SBF2: variants seen among roughly 807,000 people sequenced by gnomAD.
SBF2 encodes the protein myotubularin-related protein 13.
Under a neutral mutation model 225.2 loss-of-function variants are expected in SBF2, and 112 were observed. The observed-to-expected ratio is 0.50, with a 90% CI of 0.43 to 0.58. The LOEUF (loss-of-function observed/expected upper bound fraction) is 0.58, where lower values mean the gene tolerates loss of function less well. Among genes scored for constraint, SBF2 ranks in the 20% least tolerant of loss-of-function variants. SBF2 has a pLI of 0.00. For missense variants in SBF2, 1,996 were observed against 2,206.2 expected, an observed-to-expected ratio of 0.90 and a Z score of 1.91; for synonymous variants, 763 against 773.3, an observed-to-expected ratio of 0.99 and a Z score of 0.22.
At chr11:10,225,083 T>C (rs1016623203) in intron 1 of SBF2, among the ~76,000 whole-genome samples, 13 of 152,278 alleles carry the variant, frequency 8.5e-5, no homozygotes, top group East Asian at 3.9e-4. Flanking sequence ...TAAAAGCTCA[T>C]AGTGTATTTT....
chr11:9,992,431 C>T lies in SBF2; in HGVS notation c.1280G>A (p.Cys427Tyr), dbSNP rs1176677461. 6.2e-7 allele frequency: 1 copy of T among 1,612,454 alleles called. No homozygotes were observed. The highest frequency in any genetic ancestry group is 8.5e-7 in the Non-Finnish European group (1 of 1,178,960). The part of the protein sequence containing the change: ...VSERGPPYRS[C>Y]DLFDELVAFE... ...GAGCTATACCTCATCAAAGAGATCA[C>T]AAGATCTATAAGGAGGACCTCTTTC... Residue 427 changes from cysteine to tyrosine, a missense_variant, in exon 12 of 40, where the codon TGT becomes TAT. Transcript: ENST00000256190.
At chr11:10,124,355 A>G (rs1318267886) in intron 2 of SBF2, among the ~76,000 whole-genome samples, 2 of 152,214 alleles carry the variant, frequency 1.3e-5, no homozygotes, top group African/African-American at 4.8e-5. Context: ...GAGTCTAGAC[A>G]CTGTGAAGTT....
At chr11:10,128,708 G>C (rs1290875197) in intron 2 of SBF2, among the ~76,000 whole-genome samples, 2 of 152,176 alleles carry the variant, frequency 1.3e-5, no homozygotes, top group East Asian at 3.8e-4. Flanking sequence ...CTGAAAATGA[G>C]AAACAGTATA....
At chr11:9,840,851 A>T (rs909341241) in intron 25 of SBF2, among the ~76,000 whole-genome samples, 6 of 152,020 alleles carry the variant, frequency 3.9e-5, no homozygotes, top group Admixed American at 3.9e-4. Flanking sequence ...CACAGGTTAC[A>T]GAATCCTTTA....
At chr11:10,228,561 G>A (rs2135426442) in intron 1 of SBF2, among the ~76,000 whole-genome samples, 1 of 152,270 alleles carries the variant, frequency 6.6e-6, no homozygotes, top group Admixed American at 6.5e-5. Flanking sequence ...GGCCTTTTCT[G>A]CATCTATTGA....
chr11:9,810,191 G>C (rs886249371), intron 30 of SBF2: 1 of 152,274 alleles, frequency 6.6e-6, no homozygotes, highest in Non-Finnish European at 1.5e-5. Context: ...TAGGAGGATC[G>C]CTTGAACCTG....
intron 2 of SBF2, among the ~76,000 whole-genome samples, chr11:10,086,504 T>A (rs1315746235): frequency 6.6e-6 from 1 of 152,202 alleles, no homozygotes; most frequent in African/African-American, 2.4e-5. Context: ...TCATTCTGAA[T>A]TCTGTAAGTT....
At chr11:9,893,820 T>C (rs562611574) in intron 17 of SBF2, among the ~76,000 whole-genome samples, 5 of 152,306 alleles carry the variant, frequency 3.3e-5, no homozygotes, top group African/African-American at 1.2e-4. Flanking sequence ...TCTTCCAAGT[T>C]TGCTTCTTTG....
chr11:10,164,894 T>G (rs1477031854), intron 2 of SBF2: 2 of 152,228 alleles, frequency 1.3e-5, no homozygotes, highest in African/African-American at 4.8e-5. Context: ...TTAGCAAGTT[T>G]CACACTAAAC....
intron 2 of SBF2, among the ~76,000 whole-genome samples, chr11:10,049,286 A>C (rs9645625): frequency 0.36 from 54,451 of 152,090 alleles, 11,493 homozygotes; most frequent in Non-Finnish European, 0.47. Context: ...TTGTTATTTA[A>C]AAGTGGGTAA....
chr11:10,264,528 C>CA (rs1482351655), intron 1 of SBF2, among the ~76,000 whole-genome samples: 7 of 151,364 alleles, frequency 4.6e-5, no homozygotes, highest in South Asian at 2.1e-4. Flanking sequence ...CCAGGTACTA[C>CA]AAAAAAAATG....
intron 32 of SBF2, among the ~76,000 whole-genome samples, chr11:9,796,340 CTACCCCACTCACTACATTA>C (rs1430439096): frequency 6.6e-6 from 1 of 152,144 alleles, no homozygotes; most frequent in Non-Finnish European, 1.5e-5. Context: ...TCCAAAGTCT[CTACCCCACTCACTACATTA>C]TACTGTGTTT....
chr11:10,300,514 A>T (rs73420933), intron 1 of SBF2, among the ~76,000 whole-genome samples: 18 of 151,134 alleles, frequency 1.2e-4, no homozygotes, highest in South Asian at 4.2e-4. Context: ...AAAAGAAAAA[A>T]ATATATATAA....
intron 1 of SBF2, among the ~76,000 whole-genome samples, chr11:10,243,230 G>A (rs527374970): frequency 3.3e-5 from 5 of 152,038 alleles, no homozygotes; most frequent in African/African-American, 1.2e-4. Flanking sequence ...AACAACTAAT[G>A]GGTCAAAGAA....
At chr11:9,920,618 T>A (rs1485478280) in intron 16 of SBF2, among the ~76,000 whole-genome samples, 1 of 152,186 alleles carries the variant, frequency 6.6e-6, no homozygotes, top group African/African-American at 2.4e-5. Flanking sequence ...GAGACATTAA[T>A]CTAAAATTTC....
chr11:9,991,090 T>G (rs1386927183), intron 12 of SBF2, among the ~76,000 whole-genome samples: 1 of 152,194 alleles, frequency 6.6e-6, no homozygotes, highest in Non-Finnish European at 1.5e-5. Context: ...GAAAAGACCT[T>G]GGAGAGCATC....
chr11:9,958,624 C>T, intron 16 of SBF2: 1 of 230,124 alleles, frequency 4.3e-6, no homozygotes, highest in Non-Finnish European at 8.8e-6. Flanking sequence ...TCCCAAAGTG[C>T]TGGGATTACA....
At chr11:9,812,508 G>GA (rs762396959) in intron 30 of SBF2, 24 bp downstream of exon 30, 9 of 1,613,522 alleles carry the variant, frequency 5.6e-6, no homozygotes, top group Middle Eastern at 1.7e-4. Flanking sequence ...GAGTTATAAA[G>GA]AAAGAAGCTG....
At chr11:9,813,347 G>C (rs1299488544) in intron 29 of SBF2, among the ~76,000 whole-genome samples, 2 of 151,640 alleles carry the variant, frequency 1.3e-5, no homozygotes, top group African/African-American at 4.8e-5. Context: ...TGTTTTTTTG[G>C]GATGGAGTCT....
Sources: allele counts gnomAD v4.1 joint callset (sites outside exome capture counted in the v4.1 genomes callset), GRCh38; gene constraint gnomAD v4.1.1; transcripts MANE v1.5; gene names NCBI Gene and HGNC (gene_info 2026-07-23, HGNC 2026-07-21).